STK31: variants seen among roughly 807,000 people sequenced by gnomAD.
STK31 encodes the protein serine/threonine kinase 31, also known as serine/threonine-protein kinase 31.
Under a neutral mutation model 129.7 loss-of-function variants are expected in STK31, and 89 were observed. The observed-to-expected ratio is 0.69, with a 90% CI of 0.58 to 0.82. The LOEUF (loss-of-function observed/expected upper bound fraction) is 0.82. STK31 is among the 40% of genes least tolerant of loss of function. STK31 has a pLI of 0.00. For synonymous variants in STK31, 448 were observed against 395.3 expected (o/e 1.13, Z -1.58); for missense variants, 1,187 against 1,176.4 (o/e 1.01, Z -0.13).
At chr7:23,735,956 T>C (rs1186171785) in intron 7 of STK31, 60 bp downstream of exon 7, 2 of 1,376,614 alleles carry the variant, frequency 1.5e-6, no homozygotes, top group Middle Eastern at 1.9e-4. Flanking sequence ...CATAGTAGAA[T>C]AGAAGTTAAG....
intron 23 of STK31, among the ~76,000 whole-genome samples, chr7:23,831,281 G>A (rs1362490097): frequency 6.6e-6 from 1 of 152,120 alleles, no homozygotes; most frequent in African/African-American, 2.4e-5. Flanking sequence ...ATATCTGGGT[G>A]CTCTGTTGTT....
At chr7:23,753,482 A>G (rs892907798) in intron 9 of STK31, among the ~76,000 whole-genome samples, 3 of 152,188 alleles carry the variant, frequency 2.0e-5, no homozygotes, top group Non-Finnish European at 4.4e-5. Flanking sequence ...GATTGGAATA[A>G]GCGGGTTGGA....
chr7:23,775,074 T>C (rs1790453290), intron 15 of STK31, among the ~76,000 whole-genome samples: 1 of 152,134 alleles, frequency 6.6e-6, no homozygotes, highest in Non-Finnish European at 1.5e-5. Flanking sequence ...CAATAACATT[T>C]ATTAAATAGG....
rs1276508381 is a variant in STK31, at chr7:23,799,364, A to T, written c.2760+8418A>T. Among the ~76,000 whole-genome samples the T allele has an allele frequency of 4.6e-5, 7 of 152,192 alleles. 1 individual carries two copies. The highest frequency in any genetic ancestry group is 4.6e-4 in the Admixed American group (7 of 15,286). On this transcript the variant is annotated intron_variant, in intron 22 of 23. Coordinates refer to ENST00000355870, the MANE Select transcript of STK31 (RefSeq NM_031414.5). ...TATAGTACAAGGCTACAGTAACCAA[A>T]ATAGCATGGTACCGGTACCAAAATA... is the stretch of plus-strand genomic sequence containing the variant.
At chr7:23,818,195 A>G (rs888041033) in intron 23 of STK31, among the ~76,000 whole-genome samples, 1 of 152,146 alleles carries the variant, frequency 6.6e-6, no homozygotes, top group Non-Finnish European at 1.5e-5. Context: ...GTTGAGCTAT[A>G]AAGTTCCCCC....
rs201160478 is a variant in STK31 at position 23,730,856 on chromosome 7, T to TTATATATATATATATATA, written c.483+1613_483+1630dup. On this transcript the variant is annotated intron_variant, in intron 6 of 23. Coordinates refer to ENST00000355870, the MANE Select transcript of STK31 (RefSeq NM_031414.5). ...TATATATGGTACTGTATATAAACAT[T>TTATATATATATATATATA]TATATATATATATATATATATATTT... Among the ~76,000 whole-genome samples, 14 of 75,226 alleles carry TTATATATATATATATATA rather than the reference T, an allele frequency of 1.9e-4. 1 individual carries two copies. Among genetic ancestry groups the TTATATATATATATATATA allele is most frequent in the South Asian group, 1.6e-3 (3 of 1,854 alleles). The allele number at this position is 75,226 out of a possible 152,430, so 49.4% of individuals were successfully genotyped here.
chr7:23,769,916 G>A (rs2128103191), intron 13 of STK31, among the ~76,000 whole-genome samples, 160 bp downstream of exon 13: 1 of 152,288 alleles, frequency 6.6e-6, no homozygotes. Context: ...GAGTAACAAT[G>A]TCTAGTTCTA....
At chr7:23,763,046 G>A in intron 11 of STK31, 123 bp downstream of exon 11, 1 of 812,594 alleles carries the variant, frequency 1.2e-6, no homozygotes, top group Non-Finnish European at 1.8e-6. Flanking sequence ...CCTGTTTCCT[G>A]AATTCTGATT....
chr7:23,818,404 G>A (rs540349690), intron 23 of STK31, among the ~76,000 whole-genome samples: 14 of 152,248 alleles, frequency 9.2e-5, no homozygotes, highest in Non-Finnish European at 1.6e-4. Flanking sequence ...TGTGTCATAT[G>A]AGGGGGATCA....
chr7:23,754,808 G>T (rs998178524), intron 10 of STK31, among the ~76,000 whole-genome samples: 1 of 152,160 alleles, frequency 6.6e-6, no homozygotes, highest in Non-Finnish European at 1.5e-5. Context: ...CTTCATCCAT[G>T]TCGTTGCAAA....
intron 3 of STK31, among the ~76,000 whole-genome samples, chr7:23,716,382 T>G (rs1362401076): frequency 2.0e-5 from 3 of 152,298 alleles, no homozygotes; most frequent in African/African-American, 7.2e-5. Context: ...TTGGGTAAGG[T>G]GGCAACTTCC....
At chr7:23,713,626 A>AT (rs921088106) in intron 3 of STK31, among the ~76,000 whole-genome samples, 17 of 151,424 alleles carry the variant, frequency 1.1e-4, no homozygotes, top group Non-Finnish European at 2.4e-4. Flanking sequence ...TAAACTTTTA[A>AT]TTTTTTTTTA....
chr7:23,783,745 C>G lies in STK31; in HGVS notation c.2148+82C>G, dbSNP rs1791082209. 2.8e-6 allele frequency: 3 copies of G among 1,084,976 alleles called. No homozygotes were observed. In the South Asian group the frequency reaches 4.8e-5, roughly 17 times the overall value. 67.2% of individuals were successfully genotyped at this position (1,084,976 alleles called of 1,614,324 possible). On this transcript the variant is annotated intron_variant, in intron 17 of 23. Transcript: ENST00000355870. ...ATATTAAATTTGTGTCAGTGTTAAACTTATAGTATCTTTTAAATAAAAATA... is the reference window on the plus strand; with the variant it reads ...ATATTAAATTTGTGTCAGTGTTAAAGTTATAGTATCTTTTAAATAAAAATA...
At chr7:23,758,395 C>CT (rs1014346466) in intron 10 of STK31, among the ~76,000 whole-genome samples, 31 of 151,774 alleles carry the variant, frequency 2.0e-4, no homozygotes, top group African/African-American at 7.0e-4. Context: ...TGTTTTGTTA[C>CT]TTTTTTTAAA....
intron 22 of STK31, among the ~76,000 whole-genome samples, chr7:23,809,746 A>T (rs1792966620): frequency 6.6e-6 from 1 of 152,160 alleles, no homozygotes; most frequent in Non-Finnish European, 1.5e-5. Flanking sequence ...TTTGCCTCCT[A>T]TTTCAGAGAA....
chr7:23,769,167 C>T lies in STK31; in HGVS notation c.1589C>T (p.Thr530Ile), dbSNP rs1437849010. The T allele has an allele frequency of 6.4e-7, 1 of 1,561,248 alleles. No homozygotes were observed. The highest frequency in any genetic ancestry group is 2.0e-5 in the Admixed American group (1 of 50,186). Residue 530 changes from threonine to isoleucine, a missense_variant, in exon 12 of 24, where the codon ACC (threonine) becomes ATC (isoleucine). By Grantham distance (89) the Thr-to-Ile change is moderately conservative. Coordinates refer to ENST00000355870, the MANE Select transcript of STK31 (RefSeq NM_031414.5). ...CGTCTTGTAGCATGGTTCCAAAGAA[C>T]CTTAAAGGTAATAAAAGCTCCTGCC... ...LHRLVAWFQR[T>I]LKVFDLSVEG...
chr7:23,830,931 G>A lies in STK31; in HGVS notation c.2830-1205G>A, dbSNP rs143905743. ...CACCGTGCCTGGCCAATTTCCATGC[G>A]TTTGTATAGTTTTCAGTTTCTCTTG... On this transcript the variant is annotated intron_variant, in intron 23 of 23. Coordinates refer to ENST00000355870, the MANE Select transcript of STK31 (RefSeq NM_031414.5). Among the ~76,000 whole-genome samples, 35 of 152,142 alleles carry A rather than the reference G, an allele frequency of 2.3e-4. No homozygotes were observed. The East Asian group carries it at 3.9e-3, about 17-fold the overall frequency.
At chr7:23,819,499 C>T (rs1793671937) in intron 23 of STK31, among the ~76,000 whole-genome samples, 1 of 151,658 alleles carries the variant, frequency 6.6e-6, no homozygotes, top group South Asian at 2.1e-4. Flanking sequence ...ACTGCAACCT[C>T]TGCCTCCCAG....
chr7:23,720,918 A>G (rs1455864905), intron 4 of STK31, among the ~76,000 whole-genome samples: 2 of 152,214 alleles, frequency 1.3e-5, no homozygotes, highest in South Asian at 2.1e-4. Flanking sequence ...GAAAGTTTTT[A>G]TAGAGGAAAT....
Sources: gnomAD v4.1 joint callset for allele counts (sites outside exome capture counted in the v4.1 genomes callset) on GRCh38, gnomAD v4.1.1 for gene constraint, MANE v1.5 for transcripts, NCBI Gene and HGNC (gene_info 2026-07-23, HGNC 2026-07-21) for gene names.